STT3B: variants seen among roughly 807,000 people sequenced by gnomAD.
STT3B encodes the protein dolichyl-diphosphooligosaccharide--protein glycosyltransferase subunit STT3B.
Under a neutral mutation model 96.8 loss-of-function variants are expected in STT3B, and 29 were observed. The ratio of observed to expected loss-of-function variants is 0.30; its 90% confidence interval spans 0.22 to 0.41. STT3B has a LOEUF of 0.41. STT3B is among the 10% of genes least tolerant of loss of function. The pLI, the probability that STT3B is intolerant of heterozygous loss-of-function variation, is 1.00. For missense variants in STT3B, 640 were observed against 1,022.3 expected, an observed-to-expected ratio of 0.63 and a Z score of 5.10; for synonymous variants, 367 against 360.0, an observed-to-expected ratio of 1.02 and a Z score of -0.22.
At chr3:31,589,912 A>G (rs761797711) in intron 3 of STT3B, among the ~76,000 whole-genome samples, 4 of 151,904 alleles carry the variant, frequency 2.6e-5, no homozygotes, top group Non-Finnish European at 5.9e-5. Context: ...ATTTCCTGAA[A>G]TAATTCTCGT....
intron 1 of STT3B, among the ~76,000 whole-genome samples, chr3:31,556,123 T>C (rs573491137): frequency 1.6e-4 from 25 of 152,184 alleles, no homozygotes; most frequent in Non-Finnish European, 2.4e-4. Flanking sequence ...TTTTTTTTTT[T>C]CCGTTCCCAC....
At chr3:31,627,803 T>A (rs1449498020) in intron 13 of STT3B, among the ~76,000 whole-genome samples, 3 of 152,236 alleles carry the variant, frequency 2.0e-5, no homozygotes, top group Non-Finnish European at 4.4e-5. Flanking sequence ...ATGTGATAGA[T>A]CACTGTTTCT....
intron 3 of STT3B, among the ~76,000 whole-genome samples, chr3:31,582,361 A>T (rs1228931404): frequency 6.7e-6 from 1 of 148,176 alleles, no homozygotes; most frequent in African/African-American, 2.5e-5. Context: ...GCAGTGGCGC[A>T]GTCGGCTCGC....
chr3:31,624,140 A>G (rs1187919430), intron 11 of STT3B, among the ~76,000 whole-genome samples: 6 of 151,836 alleles, frequency 4.0e-5, no homozygotes, highest in Admixed American at 2.6e-4. Context: ...ATCAAGTTAC[A>G]CTCTTAGTTA....
At chr3:31,587,987 C>T (rs1191715399) in intron 3 of STT3B, among the ~76,000 whole-genome samples, 3 of 152,110 alleles carry the variant, frequency 2.0e-5, no homozygotes, top group Non-Finnish European at 4.4e-5. Flanking sequence ...TTAACACTTG[C>T]TTATTTGCCT....
intron 1 of STT3B, among the ~76,000 whole-genome samples, chr3:31,575,475 G>T (rs545755011): frequency 6.6e-6 from 1 of 151,600 alleles, no homozygotes; most frequent in Non-Finnish European, 1.5e-5. Flanking sequence ...TTGGGGGGGG[G>T]ATATGTTGCT....
intron 3 of STT3B, among the ~76,000 whole-genome samples, chr3:31,582,300 C>CT (rs11430589): frequency 0.57 from 78,907 of 139,252 alleles, 24,828 homozygotes; most frequent in Non-Finnish European, 0.71. Context: ...TTCTTTCCTT[C>CT]TTTTTTTTTT....
intron 1 of STT3B, among the ~76,000 whole-genome samples, chr3:31,563,134 A>G (rs552509612): frequency 1.3e-5 from 2 of 152,238 alleles, no homozygotes; most frequent in East Asian, 1.9e-4. Flanking sequence ...GCTTCCCATC[A>G]CTACTCTCTT....
At chr3:31,602,224 C>T (rs1485175251) in intron 5 of STT3B, among the ~76,000 whole-genome samples, 1 of 152,076 alleles carries the variant, frequency 6.6e-6, no homozygotes, top group East Asian at 1.9e-4. Flanking sequence ...AATACATACA[C>T]CTATGTATTT....
At chr3:31,629,486 C>G (rs1260777541) in intron 14 of STT3B, 75 bp downstream of exon 14, 1 of 736,228 alleles carries the variant, frequency 1.4e-6, no homozygotes, top group East Asian at 2.9e-5. Flanking sequence ...CTCTAGAAAA[C>G]AGGATAATGA....
At position 31,607,761 on chromosome 3, in the gene STT3B, G is replaced by GTTGTT. The variant is rs1553606858; in HGVS notation, c.877+7302_877+7303insTTGTT. On this transcript the variant is annotated intron_variant, in intron 5 of 15. Transcript: ENST00000295770. ...TTTGTTGTTTTTGGGGGGTTGTTGT[G>GTTGTT]GTTGTTGTTGTTTGTAGAAATGGTA... Among the ~76,000 whole-genome samples, 1,422 of 147,716 alleles carry GTTGTT rather than the reference G, an allele frequency of 9.6e-3. 17 individuals carry two copies. Among genetic ancestry groups the GTTGTT allele is most frequent in the African/African-American group, 0.035 (1,305 of 37,484 alleles).
intron 13 of STT3B, among the ~76,000 whole-genome samples, chr3:31,626,507 C>T (rs987766357): frequency 6.6e-6 from 1 of 152,116 alleles, no homozygotes; most frequent in African/African-American, 2.4e-5. Context: ...TGTTTCCTCC[C>T]TCCCAGTGTA....
At position 31,543,067 on chromosome 3, in the gene STT3B, C is replaced by CAAAAAAAAAAAAAA. The variant is rs10696158; in HGVS notation, c.314+9759_314+9772dup. Among the ~76,000 whole-genome samples, 3 of 109,466 alleles carry CAAAAAAAAAAAAAA rather than the reference C, an allele frequency of 2.7e-5. 1 individual carries two copies. Among genetic ancestry groups the CAAAAAAAAAAAAAA allele is most frequent in the Non-Finnish European group, 3.5e-5 (2 of 57,448 alleles). 71.8% of individuals were successfully genotyped at this position (109,466 alleles called of 152,430 possible). A position where few individuals can be genotyped will look rare whatever the true frequency, so the allele number is the denominator to read the frequency against. On this transcript the variant is annotated intron_variant, in intron 1 of 15. Transcript: ENST00000295770. Reference sequence around the variant, plus strand: ...GGCAACAGAGTGAGACTCCATCTCACAAAAAAAAAAAAAAAAAGAGAAAGA... The same window carrying CAAAAAAAAAAAAAA: ...GGCAACAGAGTGAGACTCCATCTCACAAAAAAAAAAAAAAAAAAAAAAAAAAAAAAAGAGAAAGA...
rs998924124 is a variant in STT3B, at chr3:31,636,467, A to T, written c.*403A>T. ...TTACCCGAATAGCAATATGTAAAAT[A>T]CAAGTGACAAAATGTGATGAGAGCT... is the stretch of plus-strand genomic sequence containing the variant. On this transcript the variant is annotated 3_prime_UTR_variant, in exon 16 of 16. Coordinates refer to ENST00000295770, the MANE Select transcript of STT3B (RefSeq NM_178862.3). 3 of 155,050 alleles carry T rather than the reference A, an allele frequency of 1.9e-5. No homozygotes were observed. Among genetic ancestry groups the T allele is most frequent in the African/African-American group, 7.2e-5 (3 of 41,592 alleles). The allele number at this position is 155,050 out of a possible 1,614,324, so 9.6% of individuals were successfully genotyped here.
Position 31,633,595 on chromosome 3 carries a change from AT to A in STT3B, c.2400+449del, listed in dbSNP as rs1297438639. 3.3e-5 allele frequency among the ~76,000 whole-genome samples: 5 copies of A among 149,496 alleles called. No individual in the cohort carries two copies. The East Asian group carries it at 9.9e-4, about 30-fold the overall frequency. ...GTGAGTCCTTCTGAAGCCCAAAAAA[AT>A]CATTTATCTTAAGATAATTATTTTT... On this transcript the variant is annotated intron_variant, in intron 15 of 15. Coordinates refer to ENST00000295770, the MANE Select transcript of STT3B (RefSeq NM_178862.3).
At chr3:31,613,701 C>A (rs1382162138) in intron 5 of STT3B, among the ~76,000 whole-genome samples, 2 of 151,572 alleles carry the variant, frequency 1.3e-5, no homozygotes, top group Admixed American at 6.6e-5. Flanking sequence ...GCCTCTGTGA[C>A]TCTCCTTTAT....
At chr3:31,607,400 G>T (rs764491346) in intron 5 of STT3B, among the ~76,000 whole-genome samples, 1 of 152,076 alleles carries the variant, frequency 6.6e-6, no homozygotes, top group Non-Finnish European at 1.5e-5. Flanking sequence ...GGAGAGACCC[G>T]GTGGGAAATG....
chr3:31,623,878 G>C lies in STT3B; in HGVS notation c.1727+17G>C. The C allele has an allele frequency of 6.5e-7, 1 of 1,549,076 alleles. No individual in the cohort carries two copies. Among genetic ancestry groups the C allele is most frequent in the African/African-American group, 1.4e-5 (1 of 73,468 alleles). The stretch of plus-strand genomic sequence containing the variant: ...TCATGATGGGTAAGAAAATAACTCG[G>C]ATACAAAAACATTTTATACTTACAC... On this transcript the variant is annotated intron_variant, in intron 11 of 15. Transcript: ENST00000295770.
At chr3:31,588,743 T>A (rs901287671) in intron 3 of STT3B, among the ~76,000 whole-genome samples, 2 of 152,072 alleles carry the variant, frequency 1.3e-5, no homozygotes, top group African/African-American at 4.8e-5. Flanking sequence ...GTTGTCCAGC[T>A]GTTACAGCAT....
Sources: gnomAD v4.1 joint callset for allele counts (sites outside exome capture counted in the v4.1 genomes callset) on GRCh38, gnomAD v4.1.1 for gene constraint, MANE v1.5 for transcripts, NCBI Gene and HGNC (gene_info 2026-07-23, HGNC 2026-07-21) for gene names.